Variants in PALLD observed in about 807,000 individuals in gnomAD.
PALLD encodes palladin.
In PALLD, 61 loss-of-function variants were observed where a neutral mutation model predicts 123.5. That is an observed-to-expected ratio of 0.49 (90% CI 0.40 to 0.61). The LOEUF (loss-of-function observed/expected upper bound fraction) is 0.61. Among genes scored for constraint, PALLD ranks in the 20% least tolerant of loss-of-function variants. The probability of loss-of-function intolerance (pLI) is 0.00; values close to 1 mark genes in which losing one functional copy is unlikely to be tolerated. For missense variants in PALLD, 1,273 were observed against 1,377.0 expected (o/e 0.92, Z 1.20); for synonymous variants, 465 against 496.4 (o/e 0.94, Z 0.84).
chr4:168,570,092 C>A (rs1768817503), intron 2 of PALLD, among the ~76,000 whole-genome samples: 1 of 152,106 alleles, frequency 6.6e-6, no homozygotes, highest in Admixed American at 6.6e-5. Flanking sequence ...AAATTACAGC[C>A]TCCGAATGCA....
At position 168,813,106 on chromosome 4, in the gene PALLD, G is replaced by GT. The variant is rs897886537; in HGVS notation, c.1965-77816_1965-77815insT. Among the ~76,000 whole-genome samples, 7 of 19,706 alleles carry GT rather than the reference G, an allele frequency of 3.6e-4. No individual in the cohort carries two copies. In the South Asian group the frequency reaches 5.9e-3, roughly 17 times the overall value. 12.9% of individuals were successfully genotyped at this position (19,706 alleles called of 152,430 possible). A position where few individuals can be genotyped will look rare whatever the true frequency, so the allele number is the denominator to read the frequency against. ...TCTTTCTTTTGAAAAACGTACTTTTGGGGGGGGCGGAAATGAATTTGAATC... is the reference window on the plus strand; with the variant it reads ...TCTTTCTTTTGAAAAACGTACTTTTGTGGGGGGGCGGAAATGAATTTGAATC... On this transcript the variant is annotated intron_variant, in intron 10 of 21. Transcript: ENST00000505667.
chr4:168,790,399 A>C lies in PALLD; in HGVS notation c.1964+78476A>C, dbSNP rs141019649. 5.7e-3 allele frequency among the ~76,000 whole-genome samples: 862 copies of C among 151,490 alleles called. 7 individuals carry two copies. The highest frequency in any genetic ancestry group is 0.019 in the African/African-American group (775 of 41,288). On this transcript the variant is annotated intron_variant, in intron 10 of 21. Transcript: ENST00000505667. ...CTGGTTTCAAACTCCTGACCTCATGATCTGCCCACCTCAGTCTCCCAAAGT... is the reference window on the plus strand; with the variant it reads ...CTGGTTTCAAACTCCTGACCTCATGCTCTGCCCACCTCAGTCTCCCAAAGT...
chr4:168,878,441 G>A, intron 10 of PALLD: 1 of 1,396,730 alleles, frequency 7.2e-7, no homozygotes, highest in Non-Finnish European at 9.4e-7. Context: ...TCCGCCTCGG[G>A]TCGCCCTGGG....
intron 2 of PALLD, among the ~76,000 whole-genome samples, chr4:168,557,413 T>C (rs896312473): frequency 5.9e-5 from 9 of 152,202 alleles, no homozygotes; most frequent in African/African-American, 2.2e-4. Flanking sequence ...CAACAAATCT[T>C]AGACCATTTC....
At chr4:168,505,370 A>G (rs1761903496) in intron 1 of PALLD, among the ~76,000 whole-genome samples, 1 of 152,366 alleles carries the variant, frequency 6.6e-6, no homozygotes. Flanking sequence ...AACACTCCCT[A>G]CATTAAGAAT....
At chr4:168,570,124 G>A (rs1486770186) in intron 2 of PALLD, among the ~76,000 whole-genome samples, 1 of 152,244 alleles carries the variant, frequency 6.6e-6, no homozygotes, top group East Asian at 1.9e-4. Flanking sequence ...TATTTACCGA[G>A]TACAAAGTAA....
intron 10 of PALLD, among the ~76,000 whole-genome samples, chr4:168,737,140 C>T (rs971669107): frequency 1.3e-5 from 2 of 152,126 alleles, no homozygotes; most frequent in Admixed American, 6.5e-5. Flanking sequence ...CTTTTAAACA[C>T]CCAGATTTAA....
intron 10 of PALLD, among the ~76,000 whole-genome samples, chr4:168,889,167 G>GTGTGTGTGTGTGGT (rs1560861904): frequency 3.4e-4 from 14 of 41,474 alleles, no homozygotes; most frequent in African/African-American, 6.1e-4. Flanking sequence ...TGTGTGTGTG[G>GTGTGTGTGTGTGGT]TTTTTTTTTT....
intron 2 of PALLD, among the ~76,000 whole-genome samples, chr4:168,660,454 A>G (rs971027263): frequency 1.3e-5 from 2 of 152,184 alleles, no homozygotes; most frequent in African/African-American, 4.8e-5. Context: ...CATGTAAAAC[A>G]TCTTCTTGAA....
chr4:168,826,258 C>A (rs1374458218), intron 10 of PALLD, among the ~76,000 whole-genome samples: 2 of 152,178 alleles, frequency 1.3e-5, no homozygotes, highest in Non-Finnish European at 2.9e-5. Flanking sequence ...TATTTCAGAT[C>A]AAGCAGACCT....
At chr4:168,839,231 G>C (rs1419104214) in intron 10 of PALLD, among the ~76,000 whole-genome samples, 11 of 152,130 alleles carry the variant, frequency 7.2e-5, no homozygotes, top group Non-Finnish European at 1.6e-4. Flanking sequence ...GGCATTACAG[G>C]TGTGAGCCAC....
At chr4:168,899,104 T>C (rs1755889296) in intron 14 of PALLD, among the ~76,000 whole-genome samples, 2 of 152,126 alleles carry the variant, frequency 1.3e-5, no homozygotes, top group South Asian at 2.1e-4. Flanking sequence ...AGACAAGTAA[T>C]GCTCACCACT....
Position 168,511,529 on chromosome 4 carries a change from T to C in PALLD, c.25T>C (p.Ser9Pro). 6.2e-7 allele frequency: 1 copy of C among 1,613,870 alleles called. No homozygotes were observed. The highest frequency in any genetic ancestry group is 8.5e-7 in the Non-Finnish European group (1 of 1,179,892). The stretch of plus-strand genomic sequence containing the variant: ...TATGTCAGGGACCTCCTCCCATGAG[T>C]CCTTCTATGACTCCCTCTCAGACAT... MSGTSSHE[S>P]FYDSLSDMQE... The change falls in exon 2 of 22, where the codon TCC (serine) becomes CCC (proline). Residue 9 changes from serine (S) to proline (P), a missense_variant. Coordinates refer to ENST00000505667, the MANE Select transcript of PALLD (RefSeq NM_001166108.2).
intron 10 of PALLD, among the ~76,000 whole-genome samples, chr4:168,775,820 G>T (rs960349420): frequency 6.6e-6 from 1 of 152,188 alleles, no homozygotes; most frequent in South Asian, 2.1e-4. Flanking sequence ...GATTGCCTTT[G>T]TAACTTTGTC....
chr4:168,693,715 C>G (rs1782867923), intron 8 of PALLD, among the ~76,000 whole-genome samples: 1 of 152,162 alleles, frequency 6.6e-6, no homozygotes, highest in Non-Finnish European at 1.5e-5. Context: ...CTATTAAAAA[C>G]TAACACAATG....
rs911925168 is a variant in PALLD, at chr4:168,785,966, T to G, written c.1964+74043T>G. Among the ~76,000 whole-genome samples the G allele has an allele frequency of 3.3e-5, 5 of 149,684 alleles. No individual in the cohort carries two copies. The East Asian group carries it at 9.9e-4, about 30-fold the overall frequency. On this transcript the variant is annotated intron_variant, in intron 10 of 21. Transcript: ENST00000505667. ...TAGAGGGAGAGAGATAGGCTTGTGA[T>G]TCACATTAATATTTTGGGCAATGGA...
At chr4:168,835,541 G>T (rs1466235321) in intron 10 of PALLD, among the ~76,000 whole-genome samples, 5 of 152,138 alleles carry the variant, frequency 3.3e-5, no homozygotes, top group African/African-American at 1.2e-4. Context: ...TTTCTTCTTA[G>T]TTCAGTCTCC....
chr4:168,630,533 T>C (rs945041594), intron 2 of PALLD, among the ~76,000 whole-genome samples: 1 of 152,212 alleles, frequency 6.6e-6, no homozygotes, highest in African/African-American at 2.4e-5. Flanking sequence ...AACATTTTAT[T>C]TTCACTTCAA....
At chr4:168,625,205 A>C (rs1775118396) in intron 2 of PALLD, among the ~76,000 whole-genome samples, 1 of 152,004 alleles carries the variant, frequency 6.6e-6, no homozygotes, top group African/African-American at 2.4e-5. Flanking sequence ...TGGCGGTAGC[A>C]CCCAAACTAA....
Sources: allele counts gnomAD v4.1 joint callset (sites outside exome capture counted in the v4.1 genomes callset), GRCh38; gene constraint gnomAD v4.1.1; transcripts MANE v1.5; gene names NCBI Gene and HGNC (gene_info 2026-07-23, HGNC 2026-07-21).